GSAP: variants seen among roughly 807,000 people sequenced by gnomAD.
GSAP encodes gamma-secretase-activating protein.
Under a neutral mutation model 131.7 loss-of-function variants are expected in GSAP, and 118 were observed. The observed-to-expected ratio is 0.90, with a 90% CI of 0.77 to 1.04. GSAP has a LOEUF of 1.04. Ranked by LOEUF, GSAP falls within the 50% of genes least tolerant of loss-of-function variation. GSAP has a pLI of 0.00. For missense variants in GSAP, 1,019 were observed against 1,013.2 expected (o/e 1.01, Z -0.08); for synonymous variants, 381 against 363.4 (o/e 1.05, Z -0.55).
chr7:77,382,638 G>C lies in GSAP; in HGVS notation c.462C>G (p.Leu154=), dbSNP rs776430503. 2 of 1,525,620 alleles carry C rather than the reference G, an allele frequency of 1.3e-6. No homozygotes were observed. Among genetic ancestry groups the C allele is most frequent in the East Asian group, 2.2e-5 (1 of 44,518 alleles). 94.5% of individuals were successfully genotyped at this position (1,525,620 alleles called of 1,614,324 possible). ...GAGGATGACTTTCAATATGTGGGTA[G>C]AGAAACTGTAAAAAAGAAATTAATC... is the stretch of plus-strand genomic sequence containing the variant. The part of the protein sequence containing the change: ...AVDSYIWVQF[L]YPHIESHPLP... The change falls in exon 7 of 31, where the codon CTC becomes CTG. Residue 154 remains leucine (L), a synonymous_variant. Transcript: ENST00000257626.
intron 5 of GSAP, among the ~76,000 whole-genome samples, chr7:77,395,480 A>G (rs1469632680): frequency 6.6e-6 from 1 of 152,164 alleles, no homozygotes; most frequent in Non-Finnish European, 1.5e-5. Context: ...TCTCCTCTGA[A>G]GCAAGCCCTG....
At chr7:77,346,035 C>T (rs1030551384) in intron 19 of GSAP, among the ~76,000 whole-genome samples, 3 of 151,782 alleles carry the variant, frequency 2.0e-5, no homozygotes, top group Admixed American at 6.6e-5. Flanking sequence ...TTTGGGAGGC[C>T]GAGGTGGGCA....
intron 5 of GSAP, among the ~76,000 whole-genome samples, chr7:77,389,064 G>A (rs1180691273): frequency 6.6e-6 from 1 of 152,130 alleles, no homozygotes; most frequent in Non-Finnish European, 1.5e-5. Flanking sequence ...AAAGACATTG[G>A]TGTCAAAGAT....
intron 5 of GSAP, among the ~76,000 whole-genome samples, chr7:77,391,558 T>A (rs548201195): frequency 1.3e-5 from 2 of 152,298 alleles, no homozygotes; most frequent in East Asian, 3.9e-4. Context: ...GGCAAGGTGC[T>A]CACGCCTGTA....
intron 19 of GSAP, among the ~76,000 whole-genome samples, chr7:77,335,729 G>A (rs1480855180): frequency 6.6e-6 from 1 of 152,152 alleles, no homozygotes; most frequent in Non-Finnish European, 1.5e-5. Flanking sequence ...TCTGGCTTTG[G>A]TCCTACTTCT....
Position 77,355,435 on chromosome 7 carries a change from CAAAAA to C in GSAP, c.1121-10_1121-6del. 2 of 1,337,250 alleles carry C rather than the reference CAAAAA, an allele frequency of 1.5e-6. No individual in the cohort carries two copies. The highest frequency in any genetic ancestry group is 2.1e-6 in the Non-Finnish European group (2 of 967,908). The allele number at this position is 1,337,250 out of a possible 1,614,324, so 82.8% of individuals were successfully genotyped here. Reference sequence around the variant, plus strand: ...TATCAATCATTTCATTATTTCCTGGCAAAAAAAAAAAAAACAGTAGATCAGCAAAT... The same window carrying C: ...TATCAATCATTTCATTATTTCCTGGCAAAAAAAAACAGTAGATCAGCAAAT... On this transcript the variant is annotated splice_polypyrimidine_tract_variant and splice_region_variant and intron_variant, in intron 15 of 30. Transcript: ENST00000257626.
chr7:77,366,612 C>G (rs1795361671), intron 12 of GSAP, among the ~76,000 whole-genome samples: 1 of 152,116 alleles, frequency 6.6e-6, no homozygotes, highest in Non-Finnish European at 1.5e-5. Context: ...GTAACAGTAC[C>G]ATACTGTTTT....
chr7:77,394,885 G>A (rs1267965186), intron 5 of GSAP, among the ~76,000 whole-genome samples: 1 of 152,210 alleles, frequency 6.6e-6, no homozygotes, highest in Non-Finnish European at 1.5e-5. Context: ...GGGCAGCTGA[G>A]GCAAGGCACT....
chr7:77,377,426 T>C (rs750661071), intron 8 of GSAP, 36 bp from the exon 9 acceptor site: 2 of 1,332,268 alleles, frequency 1.5e-6, no homozygotes, highest in Middle Eastern at 2.0e-4. Flanking sequence ...AAAAAAAGTA[T>C]GAATAACTTT....
At chr7:77,357,845 T>C (rs1233421202) in intron 14 of GSAP, among the ~76,000 whole-genome samples, 2 of 152,162 alleles carry the variant, frequency 1.3e-5, no homozygotes, top group Non-Finnish European at 2.9e-5. Flanking sequence ...CTTCCAACTT[T>C]ACAGAACTTT....
chr7:77,375,541 A>T (rs924508372), intron 10 of GSAP, among the ~76,000 whole-genome samples: 1 of 152,176 alleles, frequency 6.6e-6, no homozygotes. Context: ...AGATAGCAAC[A>T]TTAGTCCTAC....
rs1415494077 is a variant in GSAP, at chr7:77,320,805, C to T, written c.2009G>A (p.Ser670Asn). 3.1e-6 allele frequency: 5 copies of T among 1,605,716 alleles called. No homozygotes were observed. Among genetic ancestry groups the T allele is most frequent in the Non-Finnish European group, 4.3e-6 (5 of 1,172,458 alleles). The change falls in exon 26 of 31, where the codon AGT becomes AAT. Residue 670 changes from serine (S) to asparagine (N), a missense_variant. Ser to Asn is a conservative substitution (Grantham distance 46). Coordinates refer to ENST00000257626, the MANE Select transcript of GSAP (RefSeq NM_017439.4). ...GTGAAAAACTGCAAATTCAGCAGCA[C>T]TGCCACGACTATTGCTGGGTAAAAA... ...SWVLHFNSRG[S>N]AAEFAVFHIM...
intron 8 of GSAP, among the ~76,000 whole-genome samples, chr7:77,379,482 G>C (rs774088627): frequency 6.6e-5 from 10 of 151,984 alleles, no homozygotes; most frequent in Non-Finnish European, 1.5e-4. Flanking sequence ...GTGAATTAAG[G>C]AATGCTGAAG....
At chr7:77,391,125 CAAAAA>C (rs3083869) in intron 5 of GSAP, among the ~76,000 whole-genome samples, 3 of 65,110 alleles carry the variant, frequency 4.6e-5, no homozygotes, top group African/African-American at 1.2e-4. Context: ...GGCTCCGTCT[CAAAAA>C]AAAAAAAAAA....
rs763345448 is a variant in GSAP, at chr7:77,360,907, AAG to A, written c.950-8_950-7del. ...GGTGAAGGTCTTGCTGTGTCCTGCA[AAG>A]AGAGAATATGAAGCCAGAGAATGTT... On this transcript the variant is annotated splice_polypyrimidine_tract_variant and splice_region_variant and intron_variant, in intron 13 of 30. Coordinates refer to ENST00000257626, the MANE Select transcript of GSAP (RefSeq NM_017439.4). 1.0e-5 allele frequency: 16 copies of A among 1,549,160 alleles called. No homozygotes were observed. In the Admixed American group the frequency reaches 2.3e-4, roughly 23 times the overall value.
At chr7:77,333,106 G>A (rs1453696159) in intron 19 of GSAP, among the ~76,000 whole-genome samples, 1 of 152,166 alleles carries the variant, frequency 6.6e-6, no homozygotes, top group Non-Finnish European at 1.5e-5. Flanking sequence ...GGCGGAGGTT[G>A]CAGTGAGCCA....
At chr7:77,378,770 C>T (rs953739649) in intron 8 of GSAP, among the ~76,000 whole-genome samples, 2 of 152,142 alleles carry the variant, frequency 1.3e-5, no homozygotes, top group African/African-American at 4.8e-5. Context: ...CATCAGCTGA[C>T]CTCGAAATAA....
intron 24 of GSAP, among the ~76,000 whole-genome samples, chr7:77,322,483 G>A (rs769832933): frequency 3.3e-5 from 5 of 151,888 alleles, no homozygotes; most frequent in Non-Finnish European, 7.4e-5. Flanking sequence ...GAAAAATGAC[G>A]CTTGAATGGA....
intron 28 of GSAP, among the ~76,000 whole-genome samples, chr7:77,313,003 A>G (rs1323492118): frequency 6.6e-6 from 1 of 152,092 alleles, no homozygotes; most frequent in Non-Finnish European, 1.5e-5. Context: ...ATATTTTCAT[A>G]GTATCTCTCA....
Sources: gnomAD v4.1 joint callset for allele counts (sites outside exome capture counted in the v4.1 genomes callset) on GRCh38, gnomAD v4.1.1 for gene constraint, MANE v1.5 for transcripts, NCBI Gene and HGNC (gene_info 2026-07-23, HGNC 2026-07-21) for gene names.